The following OXCT1 variants were observed in gnomAD, a reference collection of about 807,000 sequenced individuals.
OXCT1 encodes succinyl-CoA:3-ketoacid coenzyme A transferase 1, mitochondrial.
OXCT1 carries 27 observed loss-of-function variants against 69.6 expected under a neutral mutation model. The observed-to-expected ratio is 0.39, with a 90% CI of 0.29 to 0.54. OXCT1 has a LOEUF of 0.54. Ranked by LOEUF, OXCT1 falls within the 20% of genes least tolerant of loss-of-function variation. OXCT1 has a pLI of 0.72. For missense variants in OXCT1, 437 were observed against 650.2 expected, an observed-to-expected ratio of 0.67 and a Z score of 3.57; for synonymous variants, 202 against 217.8, an observed-to-expected ratio of 0.93 and a Z score of 0.64.
At chr5:41,850,550 G>A (rs1015908149) in intron 4 of OXCT1, among the ~76,000 whole-genome samples, 2 of 151,932 alleles carry the variant, frequency 1.3e-5, no homozygotes, top group Non-Finnish European at 2.9e-5. Context: ...GTTAAATTTT[G>A]TTTTATTTCA....
intron 15 of OXCT1, among the ~76,000 whole-genome samples, chr5:41,744,644 T>C (rs1007018005): frequency 8.5e-5 from 13 of 152,270 alleles, no homozygotes; most frequent in Non-Finnish European, 1.2e-4. Flanking sequence ...GTCCCATCAA[T>C]ACCTAATTTA....
chr5:41,784,628 C>T (rs1745560927), intron 13 of OXCT1, among the ~76,000 whole-genome samples: 1 of 152,186 alleles, frequency 6.6e-6, no homozygotes, highest in African/African-American at 2.4e-5. Flanking sequence ...CTTCTCTTTT[C>T]ATCACTTGCC....
chr5:41,735,463 A>T (rs1742840181), intron 16 of OXCT1, among the ~76,000 whole-genome samples: 2 of 152,260 alleles, frequency 1.3e-5, no homozygotes, highest in African/African-American at 4.8e-5. Context: ...TTTAATGAGT[A>T]GTTTCAGAGC....
chr5:41,775,816 G>A (rs1285731628), intron 13 of OXCT1, among the ~76,000 whole-genome samples: 4 of 152,062 alleles, frequency 2.6e-5, no homozygotes, highest in South Asian at 2.1e-4. Flanking sequence ...TGGCCCTATC[G>A]CTCAGGAAAT....
chr5:41,841,126 C>T (rs1034300378), intron 6 of OXCT1, among the ~76,000 whole-genome samples: 67 of 152,126 alleles, frequency 4.4e-4, no homozygotes, highest in African/African-American at 1.6e-3. Context: ...GCCAATTTTG[C>T]CGATGGTTTT....
intron 7 of OXCT1, among the ~76,000 whole-genome samples, chr5:41,837,319 C>T (rs192313148): frequency 1.1e-4 from 17 of 150,828 alleles, no homozygotes; most frequent in East Asian, 5.8e-4. Context: ...AAAAAAAAGA[C>T]GCCGTTGACT....
chr5:41,815,323 G>T (rs1377273142), intron 7 of OXCT1, among the ~76,000 whole-genome samples: 1 of 152,054 alleles, frequency 6.6e-6, no homozygotes, highest in African/African-American at 2.4e-5. Context: ...TACCAGCATT[G>T]ATTAGACTAA....
intron 11 of OXCT1, among the ~76,000 whole-genome samples, chr5:41,796,755 G>GT (rs1444728299): frequency 6.6e-6 from 1 of 152,184 alleles, no homozygotes; most frequent in East Asian, 1.9e-4. Flanking sequence ...TAAACAGCAT[G>GT]TAAGACGTAG....
chr5:41,769,288 T>C (rs1744767147), intron 13 of OXCT1, among the ~76,000 whole-genome samples: 1 of 151,932 alleles, frequency 6.6e-6, no homozygotes, highest in African/African-American at 2.4e-5. Context: ...CCCCAAAATT[T>C]AATAATTAAA....
chr5:41,767,520 C>A (rs1296764813), intron 13 of OXCT1, among the ~76,000 whole-genome samples: 3 of 151,354 alleles, frequency 2.0e-5, no homozygotes, highest in Non-Finnish European at 4.4e-5. Flanking sequence ...CATCAATTAG[C>A]CCCATTGCTC....
At chr5:41,853,996 T>A (rs1238482991) in intron 3 of OXCT1, among the ~76,000 whole-genome samples, 1 of 152,184 alleles carries the variant, frequency 6.6e-6, no homozygotes, top group African/African-American at 2.4e-5. Flanking sequence ...TGACCCAAAA[T>A]GAAGATTTGG....
At chr5:41,788,712 G>A (rs939714891) in intron 13 of OXCT1, among the ~76,000 whole-genome samples, 3 of 152,168 alleles carry the variant, frequency 2.0e-5, no homozygotes, top group African/African-American at 4.8e-5. Context: ...TATAGCTGAA[G>A]ATCTCAAGAC....
At position 41,750,135 on chromosome 5, in the gene OXCT1, G is replaced by GTTTTTTTTTTTTT. The variant is rs11291155; in HGVS notation, c.1339-541_1339-529dup. On this transcript the variant is annotated intron_variant, in intron 14 of 16. Transcript: ENST00000196371. The stretch of plus-strand genomic sequence containing the variant: ...GGAATCCATTCTAGTGTGTTTTTTG[G>GTTTTTTTTTTTTT]TTTTTTTTTTTTTTTTTTTTTTTTT... Among the ~76,000 whole-genome samples, 95 of 73,910 alleles carry GTTTTTTTTTTTTT rather than the reference G, an allele frequency of 1.3e-3. 1 individual carries two copies. The highest frequency in any genetic ancestry group is 1.4e-3 in the Non-Finnish European group (58 of 40,102). The allele number at this position is 73,910 out of a possible 152,430, so 48.5% of individuals were successfully genotyped here. A position where few individuals can be genotyped will look rare whatever the true frequency, so the allele number is the denominator to read the frequency against.
At chr5:41,832,174 T>C (rs573509314) in intron 7 of OXCT1, among the ~76,000 whole-genome samples, 1 of 152,288 alleles carries the variant, frequency 6.6e-6, no homozygotes, top group East Asian at 1.9e-4. Context: ...CCCTAGGGCC[T>C]TGAGTTAAAA....
chr5:41,755,260 G>A (rs1481334667), intron 14 of OXCT1, among the ~76,000 whole-genome samples: 1 of 151,994 alleles, frequency 6.6e-6, no homozygotes, highest in Non-Finnish European at 1.5e-5. Flanking sequence ...TTGTTGGACT[G>A]TGTTCTGCTT....
chr5:41,800,874 G>C, intron 11 of OXCT1, 148 bp downstream of exon 11: 1 of 732,738 alleles, frequency 1.4e-6, no homozygotes, highest in South Asian at 1.5e-5. Context: ...TCCTGAATGA[G>C]GGGAGACCTC....
At chr5:41,748,990 G>T (rs1237317270) in intron 15 of OXCT1, among the ~76,000 whole-genome samples, 2 of 151,960 alleles carry the variant, frequency 1.3e-5, no homozygotes, top group Non-Finnish European at 2.9e-5. Context: ...TGACCAATAT[G>T]TTCCATCTAG....
chr5:41,834,887 C>A (rs959621599), intron 7 of OXCT1, among the ~76,000 whole-genome samples: 1 of 151,854 alleles, frequency 6.6e-6, no homozygotes, highest in African/African-American at 2.4e-5. Context: ...TAAGTGCCTA[C>A]ATCAAAAAAG....
At chr5:41,827,977 T>G (rs2112353426) in intron 7 of OXCT1, among the ~76,000 whole-genome samples, 1 of 152,318 alleles carries the variant, frequency 6.6e-6, no homozygotes, top group Admixed American at 6.5e-5. Context: ...AACCCTGGAC[T>G]ATTTCTGTAG....
Sources: gnomAD v4.1 joint callset for allele counts (sites outside exome capture counted in the v4.1 genomes callset) on GRCh38, gnomAD v4.1.1 for gene constraint, MANE v1.5 for transcripts, NCBI Gene and HGNC (gene_info 2026-07-23, HGNC 2026-07-21) for gene names.